Variants in DLGAP2 observed in about 807,000 individuals in gnomAD.
The protein encoded by DLGAP2 is disks large-associated protein 2.
DLGAP2 carries 26 observed loss-of-function variants against 100.3 expected under a neutral mutation model. That is an observed-to-expected ratio of 0.26 (90% CI 0.19 to 0.36). DLGAP2 has a LOEUF of 0.36. Ranked by LOEUF, DLGAP2 falls within the 10% of genes least tolerant of loss-of-function variation. DLGAP2 has a pLI of 1.00. For synonymous variants in DLGAP2, 886 were observed against 630.1 expected (o/e 1.41, Z -6.08); for missense variants, 1,858 against 1,453.2 (o/e 1.28, Z -4.53).
intron 1 of DLGAP2, among the ~76,000 whole-genome samples, chr8:874,235 T>A (rs1346402003): frequency 6.6e-6 from 1 of 152,088 alleles, no homozygotes; most frequent in Non-Finnish European, 1.5e-5. Context: ...TTTTCTTTTT[T>A]CTGCCTGCTT....
chr8:996,966 C>T (rs760285404), intron 2 of DLGAP2, among the ~76,000 whole-genome samples: 45 of 152,176 alleles, frequency 3.0e-4, no homozygotes, highest in Non-Finnish European at 6.3e-4. Flanking sequence ...AGGAATCTAT[C>T]TGGAGGTACA....
intron 3 of DLGAP2, among the ~76,000 whole-genome samples, chr8:1,371,735 C>T (rs1009933889): frequency 6.6e-6 from 1 of 152,142 alleles, no homozygotes; most frequent in Non-Finnish European, 1.5e-5. Context: ...GCTTTTAGCT[C>T]ACATGTCATC....
intron 2 of DLGAP2, among the ~76,000 whole-genome samples, chr8:1,024,554 C>T (rs1484111005): frequency 6.6e-6 from 1 of 152,206 alleles, no homozygotes; most frequent in East Asian, 1.9e-4. Context: ...CGGCTCTTCC[C>T]CCGCTGTGCC....
At chr8:855,728 C>G (rs1797264709) in intron 1 of DLGAP2, among the ~76,000 whole-genome samples, 1 of 152,170 alleles carries the variant, frequency 6.6e-6, no homozygotes, top group Non-Finnish European at 1.5e-5. Flanking sequence ...TTTACCCTAG[C>G]TATGCAAGGC....
chr8:1,531,868 T>C (rs1471256885), intron 4 of DLGAP2, among the ~76,000 whole-genome samples: 1 of 152,178 alleles, frequency 6.6e-6, no homozygotes, highest in African/African-American at 2.4e-5. Flanking sequence ...AGAAAGTTTA[T>C]TTTGCCAAGG....
intron 1 of DLGAP2, among the ~76,000 whole-genome samples, chr8:888,247 C>T (rs1343191168): frequency 1.3e-5 from 2 of 152,156 alleles, no homozygotes; most frequent in Admixed American, 1.3e-4. Context: ...GGTTATGTTC[C>T]TTTATAAATA....
intron 1 of DLGAP2, among the ~76,000 whole-genome samples, chr8:854,050 G>A (rs569928391): frequency 2.6e-5 from 4 of 152,272 alleles, no homozygotes; most frequent in African/African-American, 9.6e-5. Flanking sequence ...AGAGGCCCTC[G>A]GCAGAGAGTG....
At chr8:1,520,296 G>T (rs1298266037) in intron 4 of DLGAP2, among the ~76,000 whole-genome samples, 1 of 152,182 alleles carries the variant, frequency 6.6e-6, no homozygotes, top group Non-Finnish European at 1.5e-5. Flanking sequence ...ACACGGAGGG[G>T]AGCGATGCAA....
At chr8:930,191 A>G (rs913817976) in intron 2 of DLGAP2, among the ~76,000 whole-genome samples, 5 of 152,222 alleles carry the variant, frequency 3.3e-5, no homozygotes, top group East Asian at 1.9e-4. Flanking sequence ...ACCCAGGGCT[A>G]CGCAGCCCCT....
chr8:805,497 C>G lies in DLGAP2; in HGVS notation c.18+67672C>G, dbSNP rs191850236. On this transcript the variant is annotated intron_variant, in intron 1 of 14. Transcript: ENST00000637795. The stretch of plus-strand genomic sequence containing the variant: ...TGAAAATAAAGCCCACACCCAAACT[C>G]AGATGGCTCCCAGCTCGCAATCGGG... Among the ~76,000 whole-genome samples, 349 of 152,340 alleles carry G rather than the reference C, an allele frequency of 2.3e-3. 3 individuals carry two copies. Among genetic ancestry groups the G allele is most frequent in the African/African-American group, 8.0e-3 (334 of 41,578 alleles).
chr8:954,700 C>G lies in DLGAP2; in HGVS notation c.73+46734C>G, dbSNP rs539810708. 3.3e-5 allele frequency among the ~76,000 whole-genome samples: 5 copies of G among 152,144 alleles called. No individual in the cohort carries two copies. The South Asian group carries it at 8.3e-4, about 25-fold the overall frequency. Reference sequence around the variant, plus strand: ...ATTGATTATGGTTACATATATGATACAACCATAATAAAAATCAAGGGACTA... The same window carrying G: ...ATTGATTATGGTTACATATATGATAGAACCATAATAAAAATCAAGGGACTA... On this transcript the variant is annotated intron_variant, in intron 2 of 14. Coordinates refer to ENST00000637795, the MANE Select transcript of DLGAP2 (RefSeq NM_001346810.2).
intron 2 of DLGAP2, among the ~76,000 whole-genome samples, chr8:1,006,417 T>C (rs1262508417): frequency 6.8e-6 from 1 of 147,094 alleles, no homozygotes; most frequent in Non-Finnish European, 1.5e-5. Flanking sequence ...TCTCGGGATG[T>C]GGTCCTTTAT....
intron 1 of DLGAP2, among the ~76,000 whole-genome samples, chr8:861,057 C>T (rs531986544): frequency 3.3e-5 from 5 of 151,952 alleles, no homozygotes; most frequent in East Asian, 3.9e-4. Flanking sequence ...ACAGCGGGAG[C>T]GGAGGGGACA....
intron 2 of DLGAP2, among the ~76,000 whole-genome samples, chr8:1,029,107 G>T (rs1801900065): frequency 6.6e-6 from 1 of 152,230 alleles, no homozygotes. Context: ...GCAGGTGCAG[G>T]GGGAGGAGAT....
chr8:1,549,328 G>A lies in DLGAP2; in HGVS notation c.875G>A (p.Gly292Asp), dbSNP rs1274082036. Reference sequence around the variant, plus strand: ...AAGCCGGAGGGCAAGCCCCGGCCCGGCATGAGCAGCTGGTGGAGCTCGGAC... The same window carrying A: ...AAGCCGGAGGGCAAGCCCCGGCCCGACATGAGCAGCTGGTGGAGCTCGGAC... ...ERKPEGKPRP[G>D]MSSWWSSDDN... Residue 292 changes from glycine to aspartate, a missense_variant, in exon 5 of 15, where the codon GGC becomes GAC. Physicochemically the swap from Gly to Asp is moderately conservative, Grantham distance 94 (BLOSUM62 -1). Coordinates refer to ENST00000637795, the MANE Select transcript of DLGAP2 (RefSeq NM_001346810.2). 1.2e-6 allele frequency: 2 copies of A among 1,612,994 alleles called. No individual in the cohort carries two copies. Among genetic ancestry groups the A allele is most frequent in the Non-Finnish European group, 1.7e-6 (2 of 1,179,722 alleles).
At chr8:802,505 G>T (rs1796190885) in intron 1 of DLGAP2, among the ~76,000 whole-genome samples, 1 of 152,170 alleles carries the variant, frequency 6.6e-6, no homozygotes, top group South Asian at 2.1e-4. Flanking sequence ...TTGCTGGGTG[G>T]TGGTAGCTGA....
intron 2 of DLGAP2, among the ~76,000 whole-genome samples, chr8:1,227,913 A>G (rs35191537): frequency 0.22 from 33,149 of 152,136 alleles, 4,292 homozygotes; most frequent in East Asian, 0.56. Flanking sequence ...CTCTTGCTAT[A>G]CACACACAAA....
intron 3 of DLGAP2, among the ~76,000 whole-genome samples, chr8:1,442,072 A>G (rs1176864290): frequency 6.6e-6 from 1 of 152,230 alleles, no homozygotes; most frequent in Non-Finnish European, 1.5e-5. Flanking sequence ...TACTAAACTC[A>G]GGAGCAACAG....
At chr8:886,822 C>T (rs957651888) in intron 1 of DLGAP2, among the ~76,000 whole-genome samples, 8 of 152,168 alleles carry the variant, frequency 5.3e-5, no homozygotes, top group Admixed American at 2.0e-4. Context: ...TGCCATGTGG[C>T]ACTGAGAAGA....
Sources: gnomAD v4.1 joint callset for allele counts (sites outside exome capture counted in the v4.1 genomes callset) on GRCh38, gnomAD v4.1.1 for gene constraint, MANE v1.5 for transcripts, NCBI Gene and HGNC (gene_info 2026-07-23, HGNC 2026-07-21) for gene names.